Variants in ANP32A observed in about 807,000 individuals in gnomAD.
ANP32A encodes acidic leucine-rich nuclear phosphoprotein 32 family member A.
Under a neutral mutation model 33.9 loss-of-function variants are expected in ANP32A, and 1 was observed. The ratio of observed to expected loss-of-function variants is 0.03; its 90% CI spans 0.01 to 0.14. The LOEUF (loss-of-function observed/expected upper bound fraction) is 0.14, where lower values mean the gene tolerates loss of function less well. ANP32A is among the 10% of genes least tolerant of loss of function. ANP32A has a pLI of 1.00. For missense variants in ANP32A, 155 were observed against 306.0 expected (o/e 0.51, Z 3.68); for synonymous variants, 115 against 120.5 (o/e 0.95, Z 0.30).
chr15:68,805,637 T>C (rs986516336), intron 1 of ANP32A, among the ~76,000 whole-genome samples: 6 of 152,184 alleles, frequency 3.9e-5, no homozygotes, highest in Admixed American at 2.6e-4. Context: ...TTAAGCTCAC[T>C]GGGCCTTAGC....
intron 4 of ANP32A, among the ~76,000 whole-genome samples, chr15:68,783,701 G>A (rs1893897987): frequency 6.6e-6 from 1 of 152,150 alleles, no homozygotes; most frequent in African/African-American, 2.4e-5. Flanking sequence ...AAGGGAGAAG[G>A]GGAGGGAACA....
chr15:68,780,087 A>G lies in ANP32A; in HGVS notation c.744T>C (p.Asp248=). Residue 248 remains aspartate (D), a synonymous_variant, in exon 7 of 7, where the codon GAT becomes GAC. Coordinates refer to ENST00000465139, the MANE Select transcript of ANP32A (RefSeq NM_006305.4). The surrounding 1 kb of genome is among the most constrained non-coding windows in gnomAD (Gnocchi z 4.3). ...KREPEDEGED[D]D ...TCAAAATAGGTTATTCCACTTAGTC[A>G]TCATCTTCTCCCTCATCTTCAGGTT... is the stretch of plus-strand genomic sequence containing the variant. 6.2e-7 allele frequency: 1 copy of G among 1,613,598 alleles called. No homozygotes were observed. Among genetic ancestry groups the G allele is most frequent in the Non-Finnish European group, 8.5e-7 (1 of 1,179,668 alleles).
chr15:68,807,689 C>T (rs1345627957), intron 1 of ANP32A, among the ~76,000 whole-genome samples: 4 of 152,198 alleles, frequency 2.6e-5, no homozygotes, highest in Admixed American at 1.3e-4. Flanking sequence ...TATTTCTTTC[C>T]GTGCTAACAA....
rs527570830 is a variant in ANP32A, at chr15:68,820,773, G to A, written c.-22C>T. The A allele has an allele frequency of 6.8e-6, 11 of 1,614,040 alleles. No homozygotes were observed. The South Asian group carries it at 1.2e-4, about 18-fold the overall frequency. On this transcript the variant is annotated 5_prime_UTR_variant, in exon 1 of 7. Coordinates refer to ENST00000465139, the MANE Select transcript of ANP32A (RefSeq NM_006305.4). ...CCATCTCTCGCGCTCTCTCTCTGCA[G>A]AGGCTCCCGCGCCGGCGGAATTCAA...
intron 1 of ANP32A, among the ~76,000 whole-genome samples, chr15:68,806,807 T>C (rs970320172): frequency 6.6e-6 from 1 of 152,264 alleles, no homozygotes; most frequent in Admixed American, 6.5e-5. Flanking sequence ...AAGGAACGCC[T>C]GGGTGGCTGT....
chr15:68,780,014 G>A lies in ANP32A; in HGVS notation c.*67C>T, dbSNP rs562644703. On this transcript the variant is annotated 3_prime_UTR_variant, in exon 7 of 7. Transcript: ENST00000465139. This position sits in a 1 kb window ranked among gnomAD's most constrained non-coding sequence, Gnocchi z 4.3. ...TTCAGGGGGCAGGATTGGAGGGGGG[G>A]GGGAGAGGGGATATGGGTAAAAACA... The A allele has an allele frequency of 4.2e-6, 6 of 1,429,796 alleles. No individual in the cohort carries two copies. In the East Asian group the frequency reaches 9.2e-5, roughly 22 times the overall value. 88.6% of individuals were successfully genotyped at this position (1,429,796 alleles called of 1,614,324 possible). A position where few individuals can be genotyped will look rare whatever the true frequency, so the allele number is the denominator to read the frequency against.
chr15:68,791,693 T>G (rs1432951120), intron 1 of ANP32A: 1 of 152,718 alleles, frequency 6.5e-6, no homozygotes, highest in African/African-American at 2.4e-5. Flanking sequence ...GAATCCCCAC[T>G]GTTTCTGCAT....
chr15:68,793,679 G>A (rs1221001752), intron 1 of ANP32A, among the ~76,000 whole-genome samples: 1 of 152,196 alleles, frequency 6.6e-6, no homozygotes, highest in Non-Finnish European at 1.5e-5. Flanking sequence ...GGCAGATGAG[G>A]GGGACCCAGA....
chr15:68,786,591 A>G (rs1158789996), intron 3 of ANP32A, among the ~76,000 whole-genome samples: 1 of 152,122 alleles, frequency 6.6e-6, no homozygotes, highest in Non-Finnish European at 1.5e-5. Flanking sequence ...TATATTCACA[A>G]CAGGTGTATT....
chr15:68,807,590 C>T (rs1380717139), intron 1 of ANP32A, among the ~76,000 whole-genome samples: 1 of 152,194 alleles, frequency 6.6e-6, no homozygotes, highest in Non-Finnish European at 1.5e-5. Context: ...CCACCCCACC[C>T]CCACCGCTGA....
rs764972335 is a variant in ANP32A at position 68,806,091 on chromosome 15, C to T, written c.54+14607G>A. Among the ~76,000 whole-genome samples the T allele has an allele frequency of 8.5e-5, 13 of 152,340 alleles. No individual in the cohort carries two copies. In the South Asian group the frequency reaches 2.7e-3, roughly 32 times the overall value. On this transcript the variant is annotated intron_variant, in intron 1 of 6. Coordinates refer to ENST00000465139, the MANE Select transcript of ANP32A (RefSeq NM_006305.4). ...CTGGGTAAGCCACATAACCCCTCCA[C>T]AGTATTGTGTATTTGCAGAAACCAC...
At chr15:68,796,691 G>A (rs761105752) in intron 1 of ANP32A, among the ~76,000 whole-genome samples, 1 of 152,184 alleles carries the variant, frequency 6.6e-6, no homozygotes, top group Non-Finnish European at 1.5e-5. Flanking sequence ...GCACCAAGGT[G>A]TAGTGCACAG....
At chr15:68,794,657 T>C (rs1894040222) in intron 1 of ANP32A, among the ~76,000 whole-genome samples, 3 of 152,218 alleles carry the variant, frequency 2.0e-5, no homozygotes, top group Admixed American at 1.3e-4. Context: ...ACTGGGGTGA[T>C]AGATGCTTGT....
At chr15:68,807,887 T>C (rs1894258013) in intron 1 of ANP32A, among the ~76,000 whole-genome samples, 1 of 152,142 alleles carries the variant, frequency 6.6e-6, no homozygotes, top group Non-Finnish European at 1.5e-5. Context: ...GAGCTGGACA[T>C]GAAGGATGGG....
chr15:68,782,442 C>T (rs1297488716), intron 5 of ANP32A, among the ~76,000 whole-genome samples: 1 of 152,158 alleles, frequency 6.6e-6, no homozygotes, highest in African/African-American at 2.4e-5. Flanking sequence ...CTCACCCCCT[C>T]ACAGATCTTG....
intron 1 of ANP32A, among the ~76,000 whole-genome samples, chr15:68,793,035 C>T (rs764326093): frequency 1.3e-5 from 2 of 152,268 alleles, no homozygotes; most frequent in Non-Finnish European, 2.9e-5. Flanking sequence ...TCCAGTTCCC[C>T]TTCCCAGGAA....
At chr15:68,782,702 T>C (rs1426984434) in intron 5 of ANP32A, 4 of 553,160 alleles carry the variant, frequency 7.2e-6, no homozygotes, top group Non-Finnish European at 1.2e-5. Context: ...CGGCCAGGCT[T>C]ACCCCAGCAG....
intron 1 of ANP32A, among the ~76,000 whole-genome samples, chr15:68,819,181 C>G (rs1168935078): frequency 6.6e-6 from 1 of 152,216 alleles, no homozygotes; most frequent in Admixed American, 6.5e-5. Context: ...GCGCACGGTG[C>G]TGCCCAAACT....
rs182440553 is a variant in ANP32A, at chr15:68,782,939, C to G, written c.624+17G>C. Reference sequence around the variant, plus strand: ...CAAAGGGGCAGACGGTGGCCCTGCCCAGCCCAGCCTCCTTACCTCCTCCTC... The same window carrying G: ...CAAAGGGGCAGACGGTGGCCCTGCCGAGCCCAGCCTCCTTACCTCCTCCTC... On this transcript the variant is annotated intron_variant, in intron 5 of 6. Transcript: ENST00000465139. The G allele has an allele frequency of 3.5e-5, 55 of 1,551,424 alleles. No individual in the cohort carries two copies. The African/African-American group carries it at 7.2e-4, about 20-fold the overall frequency.
Sources: gnomAD v4.1 joint callset for allele counts (sites outside exome capture counted in the v4.1 genomes callset) on GRCh38, gnomAD v4.1.1 for gene constraint, Gnocchi (gnomAD v3.1) non-coding constraint, MANE v1.5 for transcripts, NCBI Gene and HGNC (gene_info 2026-07-23, HGNC 2026-07-21) for gene names.